The following YPEL5 variants were observed in gnomAD, a reference collection of about 807,000 sequenced individuals.
YPEL5 encodes protein yippee-like 5.
YPEL5 carries 1 observed loss-of-function variant against 10.5 expected under a neutral mutation model. The ratio of observed to expected loss-of-function variants is 0.10; its 90% CI spans 0.03 to 0.45. YPEL5 has a LOEUF of 0.45. Among genes scored for constraint, YPEL5 ranks in the 20% least tolerant of loss-of-function variants. The pLI, the probability that YPEL5 is intolerant of heterozygous loss-of-function variation, is 0.97. For missense variants in YPEL5, 68 were observed against 159.3 expected, an observed-to-expected ratio of 0.43 and a Z score of 3.09; for synonymous variants, 61 against 56.6, an observed-to-expected ratio of 1.08 and a Z score of -0.35.
rs186854861 is a variant in YPEL5 at position 30,156,612 on chromosome 2, T to C, written c.-24-16T>C. ...TTATTATAATGCATTTGTTATCCTTTTCTATTTGCTCCTAGGTTTTTAGAA... is the reference window on the plus strand; with the variant it reads ...TTATTATAATGCATTTGTTATCCTTCTCTATTTGCTCCTAGGTTTTTAGAA... On this transcript the variant is annotated splice_polypyrimidine_tract_variant and intron_variant, in intron 1 of 2. Transcript: ENST00000261353. 1.2e-6 allele frequency: 2 copies of C among 1,611,226 alleles called. No homozygotes were observed. Among genetic ancestry groups the C allele is most frequent in the Non-Finnish European group, 1.7e-6 (2 of 1,178,380 alleles).
At chr2:30,154,862 C>T (rs1436893012) in intron 1 of YPEL5, among the ~76,000 whole-genome samples, 1 of 152,178 alleles carries the variant, frequency 6.6e-6, no homozygotes, top group African/African-American at 2.4e-5. Flanking sequence ...CCTCAGCCTC[C>T]CGAGTAGCTG....
At chr2:30,149,828 C>T (rs1675701481) in intron 1 of YPEL5, among the ~76,000 whole-genome samples, 1 of 152,222 alleles carries the variant, frequency 6.6e-6, no homozygotes, top group African/African-American at 2.4e-5. Context: ...TGTGGTCTGT[C>T]CAACACTGGG....
intron 1 of YPEL5, among the ~76,000 whole-genome samples, chr2:30,150,908 C>T (rs1383662990): frequency 2.6e-5 from 4 of 152,136 alleles, no homozygotes; most frequent in African/African-American, 4.8e-5. Context: ...AACAAATGGG[C>T]GTGGCTGTGT....
intron 1 of YPEL5, chr2:30,155,782 T>C (rs1676013146): frequency 6.6e-6 from 1 of 152,258 alleles, no homozygotes; most frequent in African/African-American, 2.4e-5. Context: ...TCAGTAAGAT[T>C]TCTTAAAGAT....
rs1296397843 is a variant in YPEL5 at position 30,159,997 on chromosome 2, A to G, written c.*1154A>G. ...CGAAAACTGTACTTTGTACCCTCAC[A>G]TACAAAGGGATCAAATTTGACCTGG... On this transcript the variant is annotated 3_prime_UTR_variant, in exon 3 of 3. Transcript: ENST00000261353. 6.6e-6 allele frequency: 1 copy of G among 152,630 alleles called. No individual in the cohort carries two copies. Among genetic ancestry groups the G allele is most frequent in the African/African-American group, 2.4e-5 (1 of 41,446 alleles). The allele number at this position is 152,630 out of a possible 1,614,324, so 9.5% of individuals were successfully genotyped here. A position where few individuals can be genotyped will look rare whatever the true frequency, so the allele number is the denominator to read the frequency against.
At chr2:30,155,189 A>G (rs1045812422) in intron 1 of YPEL5, among the ~76,000 whole-genome samples, 3 of 152,220 alleles carry the variant, frequency 2.0e-5, no homozygotes. Flanking sequence ...TGCAAGGTTC[A>G]TTGTGATGCT....
At chr2:30,148,279 G>A (rs954989201) in intron 1 of YPEL5, 3 of 152,128 alleles carry the variant, frequency 2.0e-5, no homozygotes, top group Non-Finnish European at 4.4e-5. Context: ...TTTATTCTAC[G>A]TCGTCTTGAC....
chr2:30,152,544 A>G (rs1675847121), intron 1 of YPEL5, among the ~76,000 whole-genome samples: 1 of 152,214 alleles, frequency 6.6e-6, no homozygotes, highest in Non-Finnish European at 1.5e-5. Flanking sequence ...GATAGGGAAT[A>G]CAGGAGGAAC....
At chr2:30,158,420 T>G (rs1204564997) in intron 2 of YPEL5, among the ~76,000 whole-genome samples, 199 bp from the exon 3 acceptor site, 1 of 152,216 alleles carries the variant, frequency 6.6e-6, no homozygotes, top group Non-Finnish European at 1.5e-5. Flanking sequence ...GCATTAGATG[T>G]CTAGTGTAGT....
chr2:30,157,282 C>CAA (rs529164436), intron 2 of YPEL5, among the ~76,000 whole-genome samples: 5 of 124,880 alleles, frequency 4.0e-5, no homozygotes, highest in East Asian at 2.3e-4. Flanking sequence ...GACTCAGTCT[C>CAA]AAAAAAAAAA....
At chr2:30,147,852 A>ACCGCCGCCGCCGCCG (rs985709712) in intron 1 of YPEL5, 10 of 152,274 alleles carry the variant, frequency 6.6e-5, no homozygotes, top group African/African-American at 2.5e-4. Context: ...CCCCGCCGCC[A>ACCGCCGCCGCCGCCG]CCGCCGCCGC....
At chr2:30,147,926 G>T (rs1212052214) in intron 1 of YPEL5, 1 of 152,606 alleles carries the variant, frequency 6.6e-6, no homozygotes, top group South Asian at 1.9e-4. Context: ...CCATCAGCTG[G>T]GCCGGCGGGG....
At chr2:30,147,314 C>T (rs1161553786) in intron 1 of YPEL5, among the ~76,000 whole-genome samples, 2 of 149,964 alleles carry the variant, frequency 1.3e-5, no homozygotes, top group Non-Finnish European at 1.5e-5. Flanking sequence ...CGGCGGCCGC[C>T]GTCGGCCCGC....
chr2:30,152,545 C>G (rs568054935), intron 1 of YPEL5, among the ~76,000 whole-genome samples: 2 of 152,270 alleles, frequency 1.3e-5, no homozygotes, highest in African/African-American at 4.8e-5. Flanking sequence ...ATAGGGAATA[C>G]AGGAGGAACA....
chr2:30,148,813 A>G lies in YPEL5; in HGVS notation c.-25+1751A>G, dbSNP rs1675643020. Among the ~76,000 whole-genome samples the G allele has an allele frequency of 2.6e-5, 4 of 152,228 alleles. No individual in the cohort carries two copies. The South Asian group carries it at 8.3e-4, about 31-fold the overall frequency. On this transcript the variant is annotated intron_variant, in intron 1 of 2. Coordinates refer to ENST00000261353, the MANE Select transcript of YPEL5 (RefSeq NM_016061.3). ...AAGGCCAAAAATTATGAAAAGAAGT[A>G]ATTAAAGCAGCTACTACCCTCTGAA...
chr2:30,148,955 G>C (rs566107838), intron 1 of YPEL5, among the ~76,000 whole-genome samples: 5 of 152,198 alleles, frequency 3.3e-5, no homozygotes, highest in Admixed American at 6.5e-5. Context: ...ATCCTGTGTA[G>C]TAATGTCAGT....
In YPEL5 at chr2:30,158,539, G is replaced by A. The variant is rs1166197009; in HGVS notation, c.142-80G>A. On this transcript the variant is annotated intron_variant, in intron 2 of 2. Coordinates refer to ENST00000261353, the MANE Select transcript of YPEL5 (RefSeq NM_016061.3). ...TTTCTCCTTTTCTGAAGTTGCTGTT[G>A]CATTAACCATAATATTTTGTACATA... is the stretch of plus-strand genomic sequence containing the variant. 1.2e-4 allele frequency: 159 copies of A among 1,336,382 alleles called. 1 individual carries two copies. The East Asian group carries it at 3.7e-3, about 31-fold the overall frequency. 82.8% of individuals were successfully genotyped at this position (1,336,382 alleles called of 1,614,324 possible).
In YPEL5 at chr2:30,158,980, CCTTT is replaced by C. The variant is rs776867722; in HGVS notation, c.*154_*157del. ...GAGGTTGTGAGAATCTAAGATGGAACCTTTCTTTCTTTCTTTCTTTTTTTTTAAA... is the reference window on the plus strand; with the variant it reads ...GAGGTTGTGAGAATCTAAGATGGAACCTTTCTTTCTTTCTTTTTTTTTAAA... On this transcript the variant is annotated 3_prime_UTR_variant, in exon 3 of 3. Transcript: ENST00000261353. The C allele has an allele frequency of 8.1e-4, 643 of 794,012 alleles. 2 individuals carry two copies. The highest frequency in any genetic ancestry group is 1.4e-3 in the African/African-American group (78 of 57,284). 49.2% of individuals were successfully genotyped at this position (794,012 alleles called of 1,614,324 possible).
intron 2 of YPEL5, 60 bp downstream of exon 2, chr2:30,156,852 C>T: frequency 3.2e-6 from 5 of 1,577,370 alleles, no homozygotes; most frequent in Non-Finnish European, 3.5e-6. Context: ...ACAGCAACAC[C>T]AGAATACCCC....
Sources: allele counts gnomAD v4.1 joint callset (sites outside exome capture counted in the v4.1 genomes callset), GRCh38; gene constraint gnomAD v4.1.1; transcripts MANE v1.5; gene names NCBI Gene and HGNC (gene_info 2026-07-23, HGNC 2026-07-21).